RABL2A: variants seen among roughly 807,000 people sequenced by gnomAD.
RABL2A encodes the protein rab-like protein 2A.
Under a neutral mutation model 30.7 loss-of-function variants are expected in RABL2A, and 17 were observed. The ratio of observed to expected loss-of-function variants is 0.55; its 90% CI spans 0.38 to 0.83. The LOEUF (loss-of-function observed/expected upper bound fraction) is 0.83. Ranked by LOEUF, RABL2A falls within the 40% of genes least tolerant of loss-of-function variation. RABL2A has a pLI of 0.00. For missense variants in RABL2A, 155 were observed against 272.6 expected (o/e 0.57, Z 3.04); for synonymous variants, 64 against 101.8 (o/e 0.63, Z 2.24).
intron 2 of RABL2A, among the ~76,000 whole-genome samples, chr2:113,629,918 T>A (rs914537888): frequency 3.3e-5 from 5 of 152,120 alleles, no homozygotes; most frequent in Non-Finnish European, 7.4e-5. Flanking sequence ...GTGTTGTAGT[T>A]TGGGAAGGTT....
At chr2:113,629,921 G>A (rs1679667115) in intron 2 of RABL2A, among the ~76,000 whole-genome samples, 1 of 152,026 alleles carries the variant, frequency 6.6e-6, no homozygotes, top group African/African-American at 2.4e-5. Context: ...TTGTAGTTTG[G>A]GAAGGTTACC....
chr2:113,629,281 C>A (rs1573930835), intron 2 of RABL2A, among the ~76,000 whole-genome samples: 1 of 152,296 alleles, frequency 6.6e-6, no homozygotes, highest in Non-Finnish European at 1.5e-5. Flanking sequence ...GGGCACATGT[C>A]CATTTCCGCC....
chr2:113,638,695 C>T (rs1204774090), intron 5 of RABL2A: 5 of 344,198 alleles, frequency 1.5e-5, no homozygotes, highest in African/African-American at 1.1e-4. Flanking sequence ...TGTTGAAACC[C>T]CGTCTCTACT....
Position 113,643,103 on chromosome 2 carries a change from T to A in RABL2A, c.*974T>A. The A allele has an allele frequency of 2.2e-6, 1 of 453,298 alleles. No individual in the cohort carries two copies. The highest frequency in any genetic ancestry group is 4.4e-6 in the Non-Finnish European group (1 of 226,098). The allele number at this position is 453,298 out of a possible 1,614,324, so 28.1% of individuals were successfully genotyped here. A position where few individuals can be genotyped will look rare whatever the true frequency, so the allele number is the denominator to read the frequency against. On this transcript the variant is annotated 3_prime_UTR_variant, in exon 9 of 9. Transcript: ENST00000683472. Reference sequence around the variant, plus strand: ...CGGTAAAATCGAGTCCTTACAGCCATACCACAAGGTACGTCCATTTGGACT... The same window carrying A: ...CGGTAAAATCGAGTCCTTACAGCCAAACCACAAGGTACGTCCATTTGGACT...
chr2:113,642,339 A>T lies in RABL2A; in HGVS notation c.*210A>T. The T allele has an allele frequency of 8.6e-7, 1 of 1,168,126 alleles. No homozygotes were observed. The highest frequency in any genetic ancestry group is 1.6e-5 in the African/African-American group (1 of 64,496). The allele number at this position is 1,168,126 out of a possible 1,614,324, so 72.4% of individuals were successfully genotyped here. On this transcript the variant is annotated 3_prime_UTR_variant, in exon 9 of 9. Transcript: ENST00000683472. ...GACTGGTGGAAGAATTCCCCACCAG[A>T]TCTCCTTGAAGCAGAATTAGGGATC...
In RABL2A at chr2:113,641,364, G is replaced by A. The variant is rs371388814; in HGVS notation, c.421G>A (p.Val141Met). The change falls in exon 7 of 9, where the codon GTG (valine) becomes ATG (methionine). Residue 141 changes from valine to methionine, a missense_variant. This residue lies in a region of RABL2A where 33 missense variants were observed against 30.7 expected (regional missense o/e 1.08). Coordinates refer to ENST00000683472, the MANE Select transcript of RABL2A (RefSeq NM_001306158.2). ...VANKIDADIN[V>M]TQKSFNFAKK... The stretch of plus-strand genomic sequence containing the variant: ...CCTTCTCTCTACAGCAGACATAAAC[G>A]TGACCCAAAAAAGCTTCAATTTTGC... 53 of 1,613,286 alleles carry A rather than the reference G, an allele frequency of 3.3e-5. No individual in the cohort carries two copies. Among genetic ancestry groups the A allele is most frequent in the African/African-American group, 2.0e-4 (15 of 74,492 alleles).
intron 5 of RABL2A, among the ~76,000 whole-genome samples, chr2:113,636,057 G>A (rs3791332): frequency 2.7e-5 from 4 of 150,362 alleles, no homozygotes; most frequent in Non-Finnish European, 3.0e-5. Flanking sequence ...GCAGTGAGCC[G>A]AGATCACACC....
intron 6 of RABL2A, 150 bp from the exon 7 acceptor site, chr2:113,641,203 C>A: frequency 7.6e-7 from 1 of 1,323,746 alleles, no homozygotes; most frequent in Non-Finnish European, 1.0e-6. Context: ...CTTTCCAAGA[C>A]ACAGATCCCT....
intron 5 of RABL2A, chr2:113,639,926 G>A (rs1684479632): frequency 6.6e-6 from 1 of 151,670 alleles, no homozygotes; most frequent in African/African-American, 2.4e-5. Context: ...GGCCCAGGTG[G>A]GAGGATCCCT....
At chr2:113,633,901 TTC>T (rs1681431282) in intron 3 of RABL2A, 1 of 639,220 alleles carries the variant, frequency 1.6e-6, no homozygotes, top group African/African-American at 1.8e-5. Context: ...TAAAATCCTG[TTC>T]TGTGTTTTAC....
chr2:113,637,968 C>A (rs1347098580), intron 5 of RABL2A: 1 of 985,264 alleles, frequency 1.0e-6, no homozygotes, highest in Non-Finnish European at 1.2e-6. Context: ...TGCCTTCTGA[C>A]CACACGGGGA....
intron 5 of RABL2A, chr2:113,637,586 G>A (rs925705098): frequency 1.2e-5 from 15 of 1,209,806 alleles, no homozygotes; most frequent in African/African-American, 1.6e-5. Flanking sequence ...TAATTCCCCC[G>A]ACTGCCCGTT....
chr2:113,632,155 A>G (rs1451084659), intron 2 of RABL2A, among the ~76,000 whole-genome samples: 2 of 152,212 alleles, frequency 1.3e-5, no homozygotes, highest in African/African-American at 4.8e-5. Flanking sequence ...TGGGTCAAAG[A>G]CTTGAAAAAA....
At chr2:113,629,079 T>G (rs1192926684) in intron 2 of RABL2A, among the ~76,000 whole-genome samples, 1 of 150,732 alleles carries the variant, frequency 6.6e-6, no homozygotes, top group Non-Finnish European at 1.5e-5. Flanking sequence ...TAAAGATGCT[T>G]TCTTGGAGGG....
At position 113,641,182 on chromosome 2, in the gene RABL2A, C is replaced by T. The variant is rs555025183; in HGVS notation, c.410-171C>T. On this transcript the variant is annotated intron_variant, in intron 6 of 8. Transcript: ENST00000683472. ...CACCTTATAAAGAAGCCAGCTAAGC[C>T]GACCTGCCCTCTTTCCAAGACACAG... 3.8e-4 allele frequency: 409 copies of T among 1,082,462 alleles called. 5 individuals are homozygous for T. The South Asian group carries it at 5.6e-3, about 15-fold the overall frequency. The allele number at this position is 1,082,462 out of a possible 1,614,324, so 67.1% of individuals were successfully genotyped here.
At chr2:113,628,490 A>G in intron 1 of RABL2A, 64 bp from the exon 2 acceptor site, 1 of 1,529,208 alleles carries the variant, frequency 6.5e-7, no homozygotes. Flanking sequence ...ATGGAGGTAC[A>G]GCTGGAGATT....
intron 1 of RABL2A, among the ~76,000 whole-genome samples, chr2:113,627,697 C>A (rs574607936): frequency 6.6e-5 from 10 of 152,202 alleles, no homozygotes; most frequent in Non-Finnish European, 1.3e-4. Context: ...GAGGGAGGAT[C>A]GCTTGAGTCC....
chr2:113,639,093 G>A (rs900715080), intron 5 of RABL2A, among the ~76,000 whole-genome samples: 9 of 152,018 alleles, frequency 5.9e-5, no homozygotes, highest in South Asian at 4.1e-4. Context: ...GACCAGCCTC[G>A]TTAATATAAT....
chr2:113,629,835 G>T (rs932407922), intron 2 of RABL2A, among the ~76,000 whole-genome samples: 12 of 152,140 alleles, frequency 7.9e-5, no homozygotes, highest in Admixed American at 2.6e-4. Context: ...ACCGCGCCCG[G>T]CCTCTGGTTT....
Sources: allele counts gnomAD v4.1 joint callset (sites outside exome capture counted in the v4.1 genomes callset), GRCh38; gene constraint gnomAD v4.1.1; regional missense constraint gnomAD v4.1.1; transcripts MANE v1.5; gene names NCBI Gene and HGNC (gene_info 2026-07-23, HGNC 2026-07-21).